CSMD1: variants seen among roughly 807,000 people sequenced by gnomAD.
CSMD1 encodes the protein CUB and sushi domain-containing protein 1.
CSMD1 carries 213 observed loss-of-function variants against 417.5 expected under a neutral mutation model. That is an observed-to-expected ratio of 0.51 (90% CI 0.46 to 0.57). The LOEUF is 0.57. Among genes scored for constraint, CSMD1 ranks in the 20% least tolerant of loss-of-function variants. The probability of loss-of-function intolerance (pLI) is 0.00; values close to 1 mark genes in which losing one functional copy is unlikely to be tolerated. For missense variants in CSMD1, 6,923 were observed against 4,529.7 expected, an observed-to-expected ratio of 1.53 and a Z score of -15.17; for synonymous variants, 2,862 against 1,736.8, an observed-to-expected ratio of 1.65 and a Z score of -16.11.
At chr8:3,181,077 G>A in intron 37 of CSMD1, 33 bp downstream of exon 37, 2 of 1,340,344 alleles carry the variant, frequency 1.5e-6, no homozygotes, top group Non-Finnish European at 2.1e-6. Context: ...CAGTATAACA[G>A]TGGAAGCTGT....
In CSMD1 at chr8:4,686,325, T is replaced by C. The variant is rs896692446; in HGVS notation, c.86-48767A>G. 5.9e-5 allele frequency among the ~76,000 whole-genome samples: 9 copies of C among 152,300 alleles called. No homozygotes were observed. In the South Asian group the frequency reaches 6.2e-4, roughly 11 times the overall value. Reference sequence around the variant, plus strand: ...ATATATGCAATCATGCCATTCCTGATTGATTGGATTCAGGACACCCTAACC... The same window carrying C: ...ATATATGCAATCATGCCATTCCTGACTGATTGGATTCAGGACACCCTAACC... On this transcript the variant is annotated intron_variant, in intron 1 of 69. Transcript: ENST00000635120.
chr8:4,966,113 C>A (rs953077021), intron 1 of CSMD1, among the ~76,000 whole-genome samples: 23 of 151,068 alleles, frequency 1.5e-4, no homozygotes, highest in African/African-American at 5.1e-4. Context: ...TCTGTAATCC[C>A]CGCACTTTGG....
chr8:4,122,958 G>C (rs1802569213), intron 3 of CSMD1, among the ~76,000 whole-genome samples: 1 of 152,218 alleles, frequency 6.6e-6, no homozygotes, highest in African/African-American at 2.4e-5. Flanking sequence ...AAGCAGCACT[G>C]TGGCTAGACC....
intron 1 of CSMD1, among the ~76,000 whole-genome samples, chr8:4,669,236 G>A (rs531796851): frequency 1.3e-5 from 2 of 152,152 alleles, no homozygotes; most frequent in African/African-American, 2.4e-5. Flanking sequence ...ACAGAGATGG[G>A]GGCTAGACAT....
At chr8:3,312,805 C>CACTT (rs1805451394) in intron 23 of CSMD1, among the ~76,000 whole-genome samples, 1 of 151,530 alleles carries the variant, frequency 6.6e-6, no homozygotes, top group Non-Finnish European at 1.5e-5. Context: ...TTCTCAAAGG[C>CACTT]AGTTAGACTT....
intron 3 of CSMD1, among the ~76,000 whole-genome samples, chr8:4,180,873 G>C (rs1482973195): frequency 6.6e-6 from 1 of 152,064 alleles, no homozygotes; most frequent in African/African-American, 2.4e-5. Context: ...ACTAAATTCT[G>C]AACTTGTAAT....
intron 10 of CSMD1, among the ~76,000 whole-genome samples, chr8:3,499,495 T>C (rs1796504573): frequency 6.6e-6 from 1 of 152,088 alleles, no homozygotes; most frequent in South Asian, 2.1e-4. Context: ...ACTCCACTGC[T>C]TGGAGTGGGG....
intron 3 of CSMD1, among the ~76,000 whole-genome samples, chr8:4,146,572 G>C (rs1024156529): frequency 9.6e-6 from 1 of 103,744 alleles, no homozygotes; most frequent in Non-Finnish European, 2.0e-5. Flanking sequence ...ATTATTATCT[G>C]TCTAAATGTT....
At chr8:4,548,046 C>A (rs1278463167) in intron 2 of CSMD1, among the ~76,000 whole-genome samples, 1 of 152,126 alleles carries the variant, frequency 6.6e-6, no homozygotes, top group Non-Finnish European at 1.5e-5. Flanking sequence ...TACAGCCAAC[C>A]CTTGCAATAT....
intron 3 of CSMD1, among the ~76,000 whole-genome samples, chr8:4,353,728 T>C (rs1172947723): frequency 1.3e-5 from 2 of 149,018 alleles, no homozygotes; most frequent in South Asian, 4.2e-4. Flanking sequence ...CCACAGTTTT[T>C]GTTGGGGTTC....
intron 3 of CSMD1, among the ~76,000 whole-genome samples, chr8:4,253,756 T>TG (rs1292746849): frequency 2.1e-5 from 3 of 145,212 alleles, no homozygotes; most frequent in African/African-American, 7.8e-5. Context: ...ATTATATACT[T>TG]GAAAAAAAAA....
At chr8:4,670,725 A>C (rs1324631426) in intron 1 of CSMD1, among the ~76,000 whole-genome samples, 1 of 152,234 alleles carries the variant, frequency 6.6e-6, no homozygotes, top group East Asian at 1.9e-4. Context: ...CCAGAAAAAA[A>C]TAGTTGGCTC....
chr8:3,969,044 A>G (rs1812888705), intron 5 of CSMD1, among the ~76,000 whole-genome samples: 1 of 152,174 alleles, frequency 6.6e-6, no homozygotes. Context: ...TGAGTTCAGG[A>G]GTTCGAGACC....
At position 3,292,714 on chromosome 8, in the gene CSMD1, G is replaced by T. The variant is rs149776694; in HGVS notation, c.3951-8368C>A. ...CTCCATCCTTTTATTTTGAGCCTATGTGTGTCTCTGCAAGTTAGATGGGTT... is the reference window on the plus strand; with the variant it reads ...CTCCATCCTTTTATTTTGAGCCTATTTGTGTCTCTGCAAGTTAGATGGGTT... On this transcript the variant is annotated intron_variant, in intron 25 of 69. Transcript: ENST00000635120. Among the ~76,000 whole-genome samples the T allele has an allele frequency of 3.3e-3, 508 of 152,252 alleles. 6 individuals are homozygous for T. Among genetic ancestry groups the T allele is most frequent in the African/African-American group, 0.012 (487 of 41,550 alleles).
chr8:3,249,628 G>A (rs1214704116), intron 26 of CSMD1, among the ~76,000 whole-genome samples: 6 of 152,148 alleles, frequency 3.9e-5, no homozygotes, highest in Non-Finnish European at 8.8e-5. Flanking sequence ...ACATATAGGA[G>A]ATAATGTAAA....
At chr8:3,418,373 T>C (rs1013527379) in intron 12 of CSMD1, among the ~76,000 whole-genome samples, 2 of 152,164 alleles carry the variant, frequency 1.3e-5, no homozygotes, top group Non-Finnish European at 2.9e-5. Context: ...TATTTATTAG[T>C]GCTGTTGGAA....
At chr8:2,985,107 C>G (rs146244134) in intron 54 of CSMD1, among the ~76,000 whole-genome samples, 1 of 152,110 alleles carries the variant, frequency 6.6e-6, no homozygotes, top group African/African-American at 2.4e-5. Context: ...AATCAATATA[C>G]GTCCCAATAT....
intron 1 of CSMD1, among the ~76,000 whole-genome samples, chr8:4,824,192 T>A (rs970441839): frequency 6.6e-6 from 1 of 152,042 alleles, no homozygotes; most frequent in Admixed American, 6.6e-5. Flanking sequence ...GTAGTTTAAT[T>A]CATTCTCTAC....
chr8:4,411,402 A>G (rs925558002), intron 3 of CSMD1, among the ~76,000 whole-genome samples: 17 of 152,146 alleles, frequency 1.1e-4, no homozygotes, highest in Admixed American at 1.1e-3. Context: ...CTTAGAATTC[A>G]TTAACCATTT....
Sources: allele counts gnomAD v4.1 joint callset (sites outside exome capture counted in the v4.1 genomes callset), GRCh38; gene constraint gnomAD v4.1.1; transcripts MANE v1.5; gene names NCBI Gene and HGNC (gene_info 2026-07-23, HGNC 2026-07-21).